The following CTNNA3 variants were observed in gnomAD, a reference collection of about 807,000 sequenced individuals.
CTNNA3 encodes catenin alpha 3, also known as catenin alpha-3.
A neutral mutation model predicts 95.7 loss-of-function variants in CTNNA3; 76 were observed. That is an observed-to-expected ratio of 0.79 (90% CI 0.66 to 0.96). The LOEUF (loss-of-function observed/expected upper bound fraction) is 0.96, where lower values mean the gene tolerates loss of function less well. Ranked by LOEUF, CTNNA3 falls within the 40% of genes least tolerant of loss-of-function variation. The pLI, the probability that CTNNA3 is intolerant of heterozygous loss-of-function variation, is 0.00. For synonymous variants in CTNNA3, 431 were observed against 374.4 expected, an observed-to-expected ratio of 1.15 and a Z score of -1.74; for missense variants, 1,191 against 1,089.8, an observed-to-expected ratio of 1.09 and a Z score of -1.31.
intron 7 of CTNNA3, among the ~76,000 whole-genome samples, chr10:67,104,726 G>A (rs896032773): frequency 6.6e-5 from 10 of 151,812 alleles, no homozygotes; most frequent in African/African-American, 2.4e-4. Flanking sequence ...TGAACATATA[G>A]CATCCATGAA....
intron 9 of CTNNA3, among the ~76,000 whole-genome samples, chr10:66,756,479 T>C (rs1053420335): frequency 5.3e-5 from 8 of 152,128 alleles, no homozygotes; most frequent in Admixed American, 1.3e-4. Context: ...ATTTCTATCT[T>C]GCAGAAATCA....
At chr10:67,406,858 A>T (rs975158119) in intron 5 of CTNNA3, among the ~76,000 whole-genome samples, 3 of 152,146 alleles carry the variant, frequency 2.0e-5, no homozygotes, top group Non-Finnish European at 4.4e-5. Flanking sequence ...CCCTCCCAAG[A>T]CTGAACCAGA....
At chr10:67,751,046 G>A in intron 1 of CTNNA3, 2 of 1,514,058 alleles carry the variant, frequency 1.3e-6, no homozygotes, top group Admixed American at 1.7e-5. Context: ...TCCATATCCA[G>A]AGGAATGTGA....
chr10:67,235,495 C>G (rs1346911344), intron 5 of CTNNA3, among the ~76,000 whole-genome samples: 1 of 151,110 alleles, frequency 6.6e-6, no homozygotes, highest in African/African-American at 2.4e-5. Flanking sequence ...CTTCCTTACA[C>G]CTTATACAAA....
chr10:66,678,217 A>G (rs1846934127), intron 9 of CTNNA3, among the ~76,000 whole-genome samples: 1 of 152,164 alleles, frequency 6.6e-6, no homozygotes. Context: ...ACTTACCACT[A>G]GAACCTAGGC....
At chr10:67,211,591 T>C (rs1258269008) in intron 6 of CTNNA3, among the ~76,000 whole-genome samples, 1 of 152,202 alleles carries the variant, frequency 6.6e-6, no homozygotes, top group Non-Finnish European at 1.5e-5. Context: ...ACTATGTACC[T>C]GGCAACTTGC....
intron 11 of CTNNA3, among the ~76,000 whole-genome samples, chr10:66,493,158 T>C (rs766143686): frequency 6.6e-6 from 1 of 152,206 alleles, no homozygotes; most frequent in Non-Finnish European, 1.5e-5. Flanking sequence ...AATATTCATC[T>C]GGAACAATTA....
At chr10:66,079,683 T>A (rs2133637993) in intron 14 of CTNNA3, among the ~76,000 whole-genome samples, 1 of 151,744 alleles carries the variant, frequency 6.6e-6, no homozygotes, top group Admixed American at 6.6e-5. Context: ...TGTCCATAAA[T>A]TATGCTTACA....
At chr10:67,287,868 T>C (rs1839672593) in intron 5 of CTNNA3, among the ~76,000 whole-genome samples, 1 of 152,158 alleles carries the variant, frequency 6.6e-6, no homozygotes, top group Non-Finnish European at 1.5e-5. Flanking sequence ...GAGTACCAAA[T>C]AGACTTTGAG....
chr10:67,209,980 A>G (rs1864073179), intron 6 of CTNNA3, among the ~76,000 whole-genome samples: 1 of 152,104 alleles, frequency 6.6e-6, no homozygotes, highest in African/African-American at 2.4e-5. Flanking sequence ...AGATCAGCAA[A>G]TTAACCTAAG....
intron 7 of CTNNA3, among the ~76,000 whole-genome samples, chr10:67,053,787 A>T (rs1020387635): frequency 6.6e-6 from 1 of 152,176 alleles, no homozygotes; most frequent in Non-Finnish European, 1.5e-5. Flanking sequence ...GATGGAATTG[A>T]CTCATTTTCC....
At chr10:66,432,333 T>C (rs942675150) in intron 11 of CTNNA3, among the ~76,000 whole-genome samples, 4 of 152,116 alleles carry the variant, frequency 2.6e-5, no homozygotes, top group Non-Finnish European at 5.9e-5. Context: ...AAAACAGCGA[T>C]ACGCATTTTT....
chr10:66,332,130 T>G (rs2132323483), intron 12 of CTNNA3, among the ~76,000 whole-genome samples: 1 of 152,172 alleles, frequency 6.6e-6, no homozygotes, highest in Non-Finnish European at 1.5e-5. Context: ...GCCTATCAGC[T>G]TAAGGAGATT....
chr10:65,995,486 C>T (rs1444142225), intron 15 of CTNNA3, among the ~76,000 whole-genome samples: 1 of 151,816 alleles, frequency 6.6e-6, no homozygotes, highest in Non-Finnish European at 1.5e-5. Context: ...TGTGGTAAGG[C>T]TTTGTAGGGG....
chr10:65,947,090 GTTTTT>G (rs57602080), intron 17 of CTNNA3, among the ~76,000 whole-genome samples: 1 of 143,604 alleles, frequency 7.0e-6, no homozygotes, highest in Non-Finnish European at 1.5e-5. Flanking sequence ...TCTTTTGTTT[GTTTTT>G]TTTTTTTTTG....
At chr10:67,107,598 T>C (rs971204903) in intron 7 of CTNNA3, among the ~76,000 whole-genome samples, 1 of 152,236 alleles carries the variant, frequency 6.6e-6, no homozygotes, top group African/African-American at 2.4e-5. Context: ...TATGTTAGTA[T>C]TGGTGAATAT....
chr10:66,912,594 A>G (rs576323615), intron 7 of CTNNA3, among the ~76,000 whole-genome samples: 5 of 152,358 alleles, frequency 3.3e-5, no homozygotes, highest in Non-Finnish European at 7.3e-5. Context: ...CATGAACACA[A>G]CACCAGGAAG....
At chr10:67,593,458 T>C (rs1049768372) in intron 3 of CTNNA3, among the ~76,000 whole-genome samples, 6 of 152,192 alleles carry the variant, frequency 3.9e-5, no homozygotes, top group African/African-American at 1.4e-4. Context: ...TAGTTCTCCT[T>C]GTAAAGACCT....
At chr10:66,151,509 CCAAATT>C (rs891823279) in intron 13 of CTNNA3, among the ~76,000 whole-genome samples, 1 of 151,798 alleles carries the variant, frequency 6.6e-6, no homozygotes, top group African/African-American at 2.4e-5. Context: ...TTTAAAAAGA[CCAAATT>C]CAAAAGTTTC....
Sources: allele counts gnomAD v4.1 joint callset (sites outside exome capture counted in the v4.1 genomes callset), GRCh38; gene constraint gnomAD v4.1.1; transcripts MANE v1.5; gene names NCBI Gene and HGNC (gene_info 2026-07-23, HGNC 2026-07-21).